The following TFDP1 variants were observed in gnomAD, a reference collection of about 807,000 sequenced individuals.
The protein encoded by TFDP1 is DRTF1-polypeptide 1.
TFDP1 carries 6 observed loss-of-function variants against 48.0 expected under a neutral mutation model. The observed-to-expected ratio is 0.13, with a 90% CI of 0.07 to 0.25. The LOEUF (loss-of-function observed/expected upper bound fraction) is 0.25. Ranked by LOEUF, TFDP1 falls within the 10% of genes least tolerant of loss-of-function variation. The pLI, the probability that TFDP1 is intolerant of heterozygous loss-of-function variation, is 1.00. For synonymous variants in TFDP1, 201 were observed against 211.6 expected, an observed-to-expected ratio of 0.95 and a Z score of 0.44; for missense variants, 335 against 543.0, an observed-to-expected ratio of 0.62 and a Z score of 3.81.
chr13:113,617,641 C>T (rs111976012), intron 3 of TFDP1, among the ~76,000 whole-genome samples: 3 of 150,646 alleles, frequency 2.0e-5, no homozygotes, highest in East Asian at 3.9e-4. Flanking sequence ...CCTGCAGAGC[C>T]GCTCACCTGC....
Position 113,633,877 on chromosome 13 carries a change from C to T in TFDP1, c.475-13C>T. The T allele has an allele frequency of 6.2e-7, 1 of 1,602,652 alleles. No homozygotes were observed. Among genetic ancestry groups the T allele is most frequent in the Non-Finnish European group, 8.5e-7 (1 of 1,173,414 alleles). On this transcript the variant is annotated splice_polypyrimidine_tract_variant and intron_variant, in intron 6 of 11. Transcript: ENST00000375370. This position sits in a 1 kb window ranked among gnomAD's most constrained non-coding sequence, Gnocchi z 4.5. ...TTGGATCATTTGGAAACTCCACTCC[C>T]TGTCATCCCCAGGCTTATGACCAGA...
At chr13:113,589,088 A>G (rs534532978) in intron 2 of TFDP1, among the ~76,000 whole-genome samples, 17 of 152,186 alleles carry the variant, frequency 1.1e-4, no homozygotes, top group African/African-American at 3.4e-4. Context: ...AGAAGGAGGA[A>G]ACAGCCTAGA....
chr13:113,625,751 C>T (rs1594508781), intron 4 of TFDP1, among the ~76,000 whole-genome samples: 1 of 124,002 alleles, frequency 8.1e-6, no homozygotes. Context: ...CCTCAGGCGT[C>T]TCTCACGTGT....
chr13:113,588,101 C>T (rs1179756780), intron 2 of TFDP1, among the ~76,000 whole-genome samples: 2 of 152,192 alleles, frequency 1.3e-5, no homozygotes, highest in African/African-American at 4.8e-5. Context: ...CCACCCACCT[C>T]GGCCTCCCAA....
chr13:113,605,972 C>A (rs1430752444), intron 2 of TFDP1, among the ~76,000 whole-genome samples: 4 of 141,826 alleles, frequency 2.8e-5, no homozygotes, highest in African/African-American at 1.1e-4. Context: ...GCAGGGGATC[C>A]TGTGGGAAGG....
At chr13:113,625,489 C>T (rs111847427) in intron 4 of TFDP1, among the ~76,000 whole-genome samples, 2 of 93,476 alleles carry the variant, frequency 2.1e-5, no homozygotes, top group African/African-American at 1.3e-4. Context: ...TCAGGTGTCT[C>T]TCACGTGTTC....
At chr13:113,584,722 T>C (rs1474582935), upstream of TFDP1, 2 of 146,714 alleles carry the variant, frequency 1.4e-5, no homozygotes, top group Non-Finnish European at 3.0e-5. Flanking sequence ...GGCCCGACGC[T>C]CGGCCAGGGT....
At chr13:113,639,651 GT>G (rs2049591648) in intron 11 of TFDP1, among the ~76,000 whole-genome samples, 1 of 152,220 alleles carries the variant, frequency 6.6e-6, no homozygotes, top group Non-Finnish European at 1.5e-5. Context: ...TTGGTGGTAG[GT>G]TTTTGTGGTG....
Position 113,634,563 on chromosome 13 carries a change from A to G in TFDP1, c.648A>G (p.Ile216Met), listed in dbSNP as rs1029233189. ...AAAGACAGAGGAGACTTGAAAGAAT[A>G]AAACAGAAACAGTCTCAACTTCAAG... ...EVERQRRLER[I>M]KQKQSQLQEL... Residue 216 changes from isoleucine (I) to methionine (M), a missense_variant, in exon 8 of 12, where the codon ATA becomes ATG. Physicochemically the swap from Ile to Met is conservative, Grantham distance 10. Around this residue, in one of 3 missense-constraint regions of TFDP1, gnomAD observed 204 missense variants for 287.1 expected, o/e 0.71. Transcript: ENST00000375370. 2 of 1,613,718 alleles carry G rather than the reference A, an allele frequency of 1.2e-6. No individual in the cohort carries two copies. The highest frequency in any genetic ancestry group is 1.7e-6 in the Non-Finnish European group (2 of 1,179,832).
At chr13:113,629,204 A>C (rs910683906) in intron 4 of TFDP1, among the ~76,000 whole-genome samples, 1 of 152,226 alleles carries the variant, frequency 6.6e-6, no homozygotes, top group African/African-American at 2.4e-5. Context: ...CCAGCACTGC[A>C]TGGGCCGGAT....
intron 3 of TFDP1, among the ~76,000 whole-genome samples, chr13:113,620,509 A>C (rs1041688044): frequency 1.3e-5 from 2 of 152,182 alleles, no homozygotes; most frequent in East Asian, 3.8e-4. Flanking sequence ...AATCAACTAC[A>C]TATTCTTGAA....
At chr13:113,595,276 G>A (rs779792447) in intron 2 of TFDP1, among the ~76,000 whole-genome samples, 5 of 152,148 alleles carry the variant, frequency 3.3e-5, no homozygotes, top group African/African-American at 4.8e-5. Flanking sequence ...TTGGAGAGTG[G>A]GCCACCCCTT....
intron 4 of TFDP1, among the ~76,000 whole-genome samples, chr13:113,628,815 G>T (rs988663619): frequency 1.3e-5 from 2 of 152,144 alleles, no homozygotes. Flanking sequence ...GCCCACACAC[G>T]CCCTCCAGGG....
chr13:113,612,427 C>G (rs1255461728), intron 3 of TFDP1, among the ~76,000 whole-genome samples: 1 of 152,234 alleles, frequency 6.6e-6, no homozygotes, highest in African/African-American at 2.4e-5. Context: ...GGGACCAAAT[C>G]TACGCAGCCC....
chr13:113,636,124 G>A lies in TFDP1; in HGVS notation c.835G>A (p.Asp279Asn). The A allele has an allele frequency of 5.6e-6, 9 of 1,614,188 alleles. No individual in the cohort carries two copies. The highest frequency in any genetic ancestry group is 7.6e-6 in the Non-Finnish European group (9 of 1,180,014). The part of the protein sequence containing the change: ...KTVIDCSISN[D>N]KFEYLFNFDN... ...GGTCATCGACTGCAGCATCTCCAAT[G>A]ACAAGTAGGTTGTGGGCGGGGAGCT... Residue 279 changes from aspartate (D) to asparagine (N), a missense_variant, in exon 9 of 12, where the codon GAC becomes AAC. Around this residue, in one of 3 missense-constraint regions of TFDP1, gnomAD observed 204 missense variants for 287.1 expected, o/e 0.71. Coordinates refer to ENST00000375370, the MANE Select transcript of TFDP1 (RefSeq NM_007111.5).
intron 9 of TFDP1, 64 bp downstream of exon 9, chr13:113,636,192 T>A: frequency 6.4e-7 from 1 of 1,573,110 alleles, no homozygotes; most frequent in Non-Finnish European, 8.7e-7. Flanking sequence ...CCGACCCTGT[T>A]GGTATTGTCA....
At chr13:113,617,689 T>C (rs111802192) in intron 3 of TFDP1, among the ~76,000 whole-genome samples, 2,359 of 128,686 alleles carry the variant, frequency 0.018, 41 homozygotes, top group Non-Finnish European at 0.024. Context: ...CCTGCAGAGC[T>C]GCTCACCTGC....
At chr13:113,629,502 C>T (rs1247667233) in intron 4 of TFDP1, among the ~76,000 whole-genome samples, 2 of 152,180 alleles carry the variant, frequency 1.3e-5, no homozygotes, top group Admixed American at 6.5e-5. Flanking sequence ...AAACTGCTTC[C>T]ACTGCCCATA....
intron 2 of TFDP1, among the ~76,000 whole-genome samples, chr13:113,599,539 A>C (rs1370268567): frequency 6.6e-6 from 1 of 152,214 alleles, no homozygotes; most frequent in Non-Finnish European, 1.5e-5. Flanking sequence ...TCATCCTTCG[A>C]AACCCTCAAA....
Sources: gnomAD v4.1 joint callset for allele counts (sites outside exome capture counted in the v4.1 genomes callset) on GRCh38, gnomAD v4.1.1 for gene constraint, gnomAD v4.1.1 regional missense constraint, Gnocchi (gnomAD v3.1) non-coding constraint, MANE v1.5 for transcripts, NCBI Gene and HGNC (gene_info 2026-07-23, HGNC 2026-07-21) for gene names.